GLT1D1: variants seen among roughly 807,000 people sequenced by gnomAD.
GLT1D1 encodes glycosyltransferase 1 domain-containing protein 1.
Under a neutral mutation model 28.7 loss-of-function variants are expected in GLT1D1, and 21 were observed. That is an observed-to-expected ratio of 0.73 (90% CI 0.52 to 1.05). GLT1D1 has a LOEUF of 1.05. Among genes scored for constraint, GLT1D1 ranks in the 50% least tolerant of loss-of-function variants. The pLI is 0.00. For synonymous variants in GLT1D1, 147 were observed against 124.8 expected, an observed-to-expected ratio of 1.18 and a Z score of -1.19; for missense variants, 343 against 330.6, an observed-to-expected ratio of 1.04 and a Z score of -0.29.
intron 1 of GLT1D1, among the ~76,000 whole-genome samples, chr12:128,864,682 A>T (rs1956471969): frequency 6.6e-6 from 1 of 152,096 alleles, no homozygotes; most frequent in African/African-American, 2.4e-5. Flanking sequence ...GAAACCTTCT[A>T]AGGGGCTCGG....
At chr12:128,865,076 G>A (rs1386640506) in intron 1 of GLT1D1, among the ~76,000 whole-genome samples, 1 of 152,172 alleles carries the variant, frequency 6.6e-6, no homozygotes, top group African/African-American at 2.4e-5. Context: ...GCTGAGTCTG[G>A]TGAAATGCTC....
intron 4 of GLT1D1, chr12:128,930,578 T>G (rs1251884713): frequency 6.6e-6 from 1 of 152,212 alleles, no homozygotes; most frequent in African/African-American, 2.4e-5. Context: ...GAAGAAATAC[T>G]TAAAAAGAAC....
At chr12:128,875,773 C>G in intron 1 of GLT1D1, 141 bp from the exon 2 acceptor site, 1 of 807,178 alleles carries the variant, frequency 1.2e-6, no homozygotes, top group East Asian at 2.5e-5. Flanking sequence ...GCTCCCCAGC[C>G]TGGGCAACAT....
chr12:128,855,223 TAAAAAAAAAAA>T (rs771286662), intron 1 of GLT1D1, among the ~76,000 whole-genome samples: 1 of 81,400 alleles, frequency 1.2e-5, no homozygotes, highest in African/African-American at 4.5e-5. Flanking sequence ...AGACTCCATC[TAAAAAAAAAAA>T]AAAAAAAAAC....
At chr12:128,872,924 G>A (rs1035494307) in intron 1 of GLT1D1, among the ~76,000 whole-genome samples, 5 of 151,740 alleles carry the variant, frequency 3.3e-5, no homozygotes, top group Non-Finnish European at 7.4e-5. Context: ...ACAGGGTCTC[G>A]CTCTGTTGAG....
intron 1 of GLT1D1, among the ~76,000 whole-genome samples, chr12:128,864,735 G>A (rs895982269): frequency 6.6e-6 from 1 of 150,918 alleles, no homozygotes; most frequent in African/African-American, 2.5e-5. Context: ...AGAGGAAACA[G>A]GGAGAGGCAT....
At chr12:128,918,719 AT>A (rs1459257990) in intron 4 of GLT1D1, among the ~76,000 whole-genome samples, 1 of 152,172 alleles carries the variant, frequency 6.6e-6, no homozygotes, top group African/African-American at 2.4e-5. Flanking sequence ...GAGTGGGCCC[AT>A]TTTCAATTTC....
intron 4 of GLT1D1, among the ~76,000 whole-genome samples, chr12:128,939,847 A>ATCCAATCACCT (rs1566153670): frequency 8.5e-6 from 1 of 117,494 alleles, no homozygotes; most frequent in Non-Finnish European, 1.7e-5. Context: ...ACCCCCCCCC[A>ATCCAATCACCT]CCGCCGATCC....
chr12:128,900,159 C>A (rs1434344925), intron 4 of GLT1D1, among the ~76,000 whole-genome samples: 1 of 152,156 alleles, frequency 6.6e-6, no homozygotes, highest in Non-Finnish European at 1.5e-5. Context: ...AAGAAAAAAA[C>A]CAAAGGTCAG....
intron 7 of GLT1D1, among the ~76,000 whole-genome samples, chr12:128,960,876 T>C (rs73422701): frequency 0.035 from 5,332 of 152,310 alleles, 291 homozygotes; most frequent in African/African-American, 0.12. Flanking sequence ...ATATGGAGTA[T>C]ATATTACCAT....
intron 4 of GLT1D1, among the ~76,000 whole-genome samples, chr12:128,938,460 C>T (rs370973119): frequency 2.0e-5 from 3 of 152,306 alleles, no homozygotes; most frequent in African/African-American, 7.2e-5. Flanking sequence ...GGGATGTCAA[C>T]GAGCTTAACA....
chr12:128,862,447 G>T (rs193111581), intron 1 of GLT1D1, among the ~76,000 whole-genome samples: 1 of 151,866 alleles, frequency 6.6e-6, no homozygotes, highest in African/African-American at 2.4e-5. Flanking sequence ...CTTGAGTTCC[G>T]AAGTTTGAGA....
Position 128,904,150 on chromosome 12 carries a change from T to C in GLT1D1, c.375+4863T>C, listed in dbSNP as rs1870594752. Among the ~76,000 whole-genome samples the C allele has an allele frequency of 2.0e-5, 3 of 151,780 alleles. No homozygotes were observed. The South Asian group carries it at 6.2e-4, about 32-fold the overall frequency. On this transcript the variant is annotated intron_variant, in intron 4 of 7. Transcript: ENST00000281703. The stretch of plus-strand genomic sequence containing the variant: ...AATTCTTATTTACTCTACTTCCTCC[T>C]GAATACACACACACACCTACACTCA...
intron 4 of GLT1D1, among the ~76,000 whole-genome samples, chr12:128,930,791 C>A (rs894445983): frequency 6.6e-6 from 1 of 152,166 alleles, no homozygotes; most frequent in Non-Finnish European, 1.5e-5. Context: ...GAAGAGAGAG[C>A]TGCTAGAACA....
At position 128,875,054 on chromosome 12, in the gene GLT1D1, TTGTGTG is replaced by T. The variant is rs376956933; in HGVS notation, c.69-828_69-823del. Among the ~76,000 whole-genome samples the T allele has an allele frequency of 1.1e-4, 16 of 143,898 alleles. No individual in the cohort carries two copies. In the East Asian group the frequency reaches 2.4e-3, roughly 22 times the overall value. The allele number at this position is 143,898 out of a possible 152,430, so 94.4% of individuals were successfully genotyped here. A position where few individuals can be genotyped will look rare whatever the true frequency, so the allele number is the denominator to read the frequency against. On this transcript the variant is annotated intron_variant, in intron 1 of 7. Coordinates refer to ENST00000281703, the MANE Select transcript of GLT1D1 (RefSeq NM_144669.3). Reference sequence around the variant, plus strand: ...GAGACATGTTTGAAAGACATAAATATTGTGTGTGTGTGTGTGTGTGTGTGTGTGTGT... The same window carrying T: ...GAGACATGTTTGAAAGACATAAATATTGTGTGTGTGTGTGTGTGTGTGTGT...
At chr12:128,946,621 C>G (rs549913867) in intron 5 of GLT1D1, among the ~76,000 whole-genome samples, 16 of 147,070 alleles carry the variant, frequency 1.1e-4, no homozygotes, top group African/African-American at 4.0e-4. Flanking sequence ...GCGTGAGCCA[C>G]TGCGCCCGGC....
intron 7 of GLT1D1, among the ~76,000 whole-genome samples, chr12:128,970,105 G>A (rs972692173): frequency 2.0e-5 from 3 of 152,204 alleles, no homozygotes; most frequent in African/African-American, 7.2e-5. Flanking sequence ...CCGTTTCTGG[G>A]GTATCCTGGA....
chr12:128,859,599 C>G (rs781048551), intron 1 of GLT1D1, among the ~76,000 whole-genome samples: 2 of 152,138 alleles, frequency 1.3e-5, no homozygotes, highest in Non-Finnish European at 2.9e-5. Context: ...GCTGATGAAC[C>G]CTTCTCTAGG....
At chr12:128,944,372 C>T in intron 4 of GLT1D1, 2 of 973,188 alleles carry the variant, frequency 2.1e-6, no homozygotes, top group Non-Finnish European at 3.3e-6. Context: ...GAGAATGTTT[C>T]CAACACCGCT....
Sources: gnomAD v4.1 joint callset for allele counts (sites outside exome capture counted in the v4.1 genomes callset) on GRCh38, gnomAD v4.1.1 for gene constraint, MANE v1.5 for transcripts, NCBI Gene and HGNC (gene_info 2026-07-23, HGNC 2026-07-21) for gene names.